Variants in GPHN observed in about 807,000 individuals in gnomAD.
GPHN encodes gephyrin.
A neutral mutation model predicts 95.5 loss-of-function variants in GPHN; 17 were observed. That is an observed-to-expected ratio of 0.18 (90% CI 0.12 to 0.27). The LOEUF is 0.27. GPHN is among the 10% of genes least tolerant of loss of function. The pLI is 1.00. For synonymous variants in GPHN, 320 were observed against 322.5 expected (o/e 0.99, Z 0.08); for missense variants, 660 against 978.1 (o/e 0.67, Z 4.34).
intron 2 of GPHN, among the ~76,000 whole-genome samples, chr14:66,720,710 A>G (rs1050342059): frequency 4.6e-5 from 7 of 152,212 alleles, no homozygotes; most frequent in Admixed American, 1.3e-4. Flanking sequence ...TTATAAAAAT[A>G]TAATCTAGGC....
chr14:67,319,113 A>C, the GPHN span, among the ~76,000 whole-genome samples: 1 of 152,160 alleles, frequency 6.6e-6, no homozygotes, highest in Non-Finnish European at 1.5e-5. Context: ...CTTAACAACT[A>C]ATACATGATT....
At chr14:67,297,178 A>C in the GPHN span, among the ~76,000 whole-genome samples, 1 of 152,246 alleles carries the variant, frequency 6.6e-6, no homozygotes, top group South Asian at 2.1e-4. Context: ...ATTGCCATTT[A>C]AGTCTTGAAT....
chr14:66,957,686 T>G (rs1422042097), intron 8 of GPHN, among the ~76,000 whole-genome samples: 1 of 152,156 alleles, frequency 6.6e-6, no homozygotes, highest in Non-Finnish European at 1.5e-5. Context: ...ATATGGCTGC[T>G]AGGTCTAGTT....
At chr14:67,207,478 A>T in the GPHN span, among the ~76,000 whole-genome samples, 1 of 152,132 alleles carries the variant, frequency 6.6e-6, no homozygotes, top group Non-Finnish European at 1.5e-5. Context: ...AACACCTCCC[A>T]CTAGGCCCAC....
At position 66,775,819 on chromosome 14, in the gene GPHN, A is replaced by G. The variant is rs1228593916; in HGVS notation, c.144-645A>G. On this transcript the variant is annotated intron_variant, in intron 2 of 22. Coordinates refer to ENST00000478722, the MANE Select transcript of GPHN (RefSeq NM_020806.5). ...GACGTATAATGGCATCACTGTCTCA[A>G]GGCAAAGAACATTTTAAGGATTAAA... Among the ~76,000 whole-genome samples the G allele has an allele frequency of 2.0e-5, 3 of 152,198 alleles. No individual in the cohort carries two copies. The East Asian group carries it at 5.8e-4, about 29-fold the overall frequency.
At chr14:67,446,479 G>A in the GPHN span, among the ~76,000 whole-genome samples, 1 of 152,196 alleles carries the variant, frequency 6.6e-6, no homozygotes, top group Admixed American at 6.5e-5. Flanking sequence ...GAAACAGAGT[G>A]ATGAGGTGCT....
At chr14:67,713,767 T>TATCA in the GPHN span, among the ~76,000 whole-genome samples, 1 of 152,078 alleles carries the variant, frequency 6.6e-6, no homozygotes, top group African/African-American at 2.4e-5. Context: ...ACAGTTTGGT[T>TATCA]TTATACATTC....
At chr14:66,967,709 A>T (rs1047624501) in intron 9 of GPHN, among the ~76,000 whole-genome samples, 43 of 151,838 alleles carry the variant, frequency 2.8e-4, no homozygotes, top group Non-Finnish European at 5.6e-4. Context: ...AACTTTAATA[A>T]TTATAATTTC....
chr14:66,915,211 C>G (rs1475482423), intron 5 of GPHN, among the ~76,000 whole-genome samples: 1 of 151,970 alleles, frequency 6.6e-6, no homozygotes, highest in Non-Finnish European at 1.5e-5. Context: ...GAAGAGTGTT[C>G]TTACATTACT....
the GPHN span, chr14:67,572,010 C>CCGG: frequency 1.4e-6 from 2 of 1,480,300 alleles, no homozygotes; most frequent in Admixed American, 4.1e-5. Flanking sequence ...TCGTGACCCC[C>CCGG]CAGCAGCTCC....
intron 2 of GPHN, among the ~76,000 whole-genome samples, chr14:66,733,253 G>A (rs1027472152): frequency 6.6e-6 from 1 of 151,456 alleles, no homozygotes; most frequent in Admixed American, 6.6e-5. Flanking sequence ...CACCATGATT[G>A]TAAGTTTCCT....
At chr14:66,921,895 G>A (rs906833484) in intron 6 of GPHN, among the ~76,000 whole-genome samples, 4 of 152,082 alleles carry the variant, frequency 2.6e-5, no homozygotes, top group South Asian at 4.1e-4. Context: ...AGAGAACCTA[G>A]AAATAAAATC....
chr14:67,050,544 G>A (rs2075260241), intron 10 of GPHN, among the ~76,000 whole-genome samples: 1 of 152,096 alleles, frequency 6.6e-6, no homozygotes, highest in African/African-American at 2.4e-5. Flanking sequence ...AATATCTATA[G>A]CATAAGATGG....
intron 2 of GPHN, among the ~76,000 whole-genome samples, chr14:66,731,680 T>C (rs1381863433): frequency 6.6e-6 from 1 of 152,084 alleles, no homozygotes; most frequent in Non-Finnish European, 1.5e-5. Flanking sequence ...TGAAGCCCAT[T>C]GTAGAAATTT....
chr14:67,634,781 G>A, the GPHN span, among the ~76,000 whole-genome samples: 1 of 152,230 alleles, frequency 6.6e-6, no homozygotes, highest in African/African-American at 2.4e-5. Context: ...TTCAGAGGCA[G>A]AACCTAAGAG....
chr14:67,583,867 C>A, the GPHN span: 1 of 1,613,736 alleles, frequency 6.2e-7, no homozygotes. Context: ...ACATGGGGCC[C>A]CCGCTGAACA....
At chr14:67,597,684 T>C in the GPHN span, among the ~76,000 whole-genome samples, 1 of 151,916 alleles carries the variant, frequency 6.6e-6, no homozygotes, top group Non-Finnish European at 1.5e-5. Flanking sequence ...TATAGATGTA[T>C]TAAAGGCAAG....
intron 1 of GPHN, among the ~76,000 whole-genome samples, chr14:66,623,472 G>A (rs537929769): frequency 6.6e-6 from 1 of 152,182 alleles, no homozygotes; most frequent in Non-Finnish European, 1.5e-5. Flanking sequence ...ACAAAAATTG[G>A]CTGGGTGTGG....
chr14:66,744,999 T>C, intron 2 of GPHN, among the ~76,000 whole-genome samples: 1 of 152,114 alleles, frequency 6.6e-6, no homozygotes. Context: ...ACACTTTAGT[T>C]AGAAGGCCAT....
Sources: gnomAD v4.1 joint callset for allele counts (sites outside exome capture counted in the v4.1 genomes callset) on GRCh38, gnomAD v4.1.1 for gene constraint, MANE v1.5 for transcripts, NCBI Gene and HGNC (gene_info 2026-07-23, HGNC 2026-07-21) for gene names.